The following NDFIP1 variants were observed in gnomAD, a reference collection of about 807,000 sequenced individuals.
NDFIP1 encodes Nedd4 family interacting protein 1.
NDFIP1 carries 7 observed loss-of-function variants against 28.8 expected under a neutral mutation model. The observed-to-expected ratio is 0.24, with a 90% CI of 0.14 to 0.46. NDFIP1 has a LOEUF of 0.46. Ranked by LOEUF, NDFIP1 falls within the 20% of genes least tolerant of loss-of-function variation. NDFIP1 has a pLI of 0.99. For synonymous variants in NDFIP1, 92 were observed against 101.0 expected (o/e 0.91, Z 0.53); for missense variants, 194 against 269.1 (o/e 0.72, Z 1.95).
At position 142,108,918 on chromosome 5, in the gene NDFIP1, C is replaced by A; in HGVS notation, c.-57C>A. 1 of 1,374,132 alleles carries A rather than the reference C, an allele frequency of 7.3e-7. No individual in the cohort carries two copies. The highest frequency in any genetic ancestry group is 1.6e-5 in the South Asian group (1 of 64,096). The allele number at this position is 1,374,132 out of a possible 1,614,324, so 85.1% of individuals were successfully genotyped here. A position where few individuals can be genotyped will look rare whatever the true frequency, so the allele number is the denominator to read the frequency against. On this transcript the variant is annotated 5_prime_UTR_variant, in exon 1 of 8. Transcript: ENST00000253814. ...TCCCAGCGCTCCCAAGCCGCAGCGGCCGCGCCCCTTCAGCTAGCTCGCTCG... is the reference window on the plus strand; with the variant it reads ...TCCCAGCGCTCCCAAGCCGCAGCGGACGCGCCCCTTCAGCTAGCTCGCTCG...
intron 1 of NDFIP1, among the ~76,000 whole-genome samples, chr5:142,118,898 A>G (rs1757095644): frequency 6.6e-6 from 1 of 152,056 alleles, no homozygotes; most frequent in South Asian, 2.1e-4. Context: ...TTTTGGCACT[A>G]GGCTCATCTT....
rs1237629742 is a variant in NDFIP1 at position 142,142,938 on chromosome 5, AAAATAT to A, written c.563-1631_563-1626del. On this transcript the variant is annotated intron_variant, in intron 6 of 7. Transcript: ENST00000253814. ...ATCTCAAAAAAAAAAAAAAAAAAAA[AAAATAT>A]ATATATATATATATATATATATATT... 2.8e-3 allele frequency: 231 copies of A among 81,326 alleles called. 1 individual carries two copies. The highest frequency in any genetic ancestry group is 0.018 in the East Asian group (36 of 1,996). 5.0% of individuals were successfully genotyped at this position (81,326 alleles called of 1,614,324 possible).
intron 1 of NDFIP1, among the ~76,000 whole-genome samples, chr5:142,122,495 GT>G: frequency 6.6e-6 from 1 of 152,082 alleles, no homozygotes; most frequent in Non-Finnish European, 1.5e-5. Context: ...ATATGTAAAT[GT>G]TTCTGTTGGA....
chr5:142,144,552 CTT>C lies in NDFIP1; in HGVS notation c.563-16_563-15del. On this transcript the variant is annotated splice_polypyrimidine_tract_variant and intron_variant, in intron 6 of 7. Coordinates refer to ENST00000253814, the MANE Select transcript of NDFIP1 (RefSeq NM_030571.4). Reference sequence around the variant, plus strand: ...ATGGAAATTATAAATTCATTCATGACTTTTCTTTTTTAAATTAGGCTTTCTCC... The same window carrying C: ...ATGGAAATTATAAATTCATTCATGACTTCTTTTTTAAATTAGGCTTTCTCC... 1.3e-6 allele frequency: 2 copies of C among 1,557,102 alleles called. No homozygotes were observed.
At chr5:142,127,231 G>T (rs1305771913) in intron 1 of NDFIP1, among the ~76,000 whole-genome samples, 1 of 152,116 alleles carries the variant, frequency 6.6e-6, no homozygotes, top group African/African-American at 2.4e-5. Context: ...GGCCAGGCTG[G>T]TCTCAAACTC....
At chr5:142,148,459 T>C (rs960006572) in intron 7 of NDFIP1, among the ~76,000 whole-genome samples, 29 of 152,066 alleles carry the variant, frequency 1.9e-4, no homozygotes, top group Non-Finnish European at 3.1e-4. Flanking sequence ...CATCAAGAAG[T>C]ATGTGACTGG....
chr5:142,147,338 C>T (rs249640), intron 7 of NDFIP1, among the ~76,000 whole-genome samples: 142,659 of 152,276 alleles, frequency 0.94, 66,892 homozygotes, highest in East Asian at 1. Context: ...TGTAGAATCC[C>T]TTCTTTCTCT....
At chr5:142,145,307 G>A (rs1234787128) in intron 7 of NDFIP1, among the ~76,000 whole-genome samples, 1 of 152,170 alleles carries the variant, frequency 6.6e-6, no homozygotes, top group Non-Finnish European at 1.5e-5. Context: ...AAGGCTCTTT[G>A]ATTCACACAT....
chr5:142,138,313 T>A (rs999517409), intron 5 of NDFIP1: 1 of 153,472 alleles, frequency 6.5e-6, no homozygotes, highest in African/African-American at 2.4e-5. Flanking sequence ...GCCAAAATGT[T>A]TGGGGAGCCA....
intron 6 of NDFIP1, among the ~76,000 whole-genome samples, chr5:142,141,321 A>G (rs1164718238): frequency 2.0e-5 from 3 of 150,970 alleles, no homozygotes; most frequent in East Asian, 1.9e-4. Flanking sequence ...GACTACAGGC[A>G]CCTGCCACCA....
intron 6 of NDFIP1, among the ~76,000 whole-genome samples, chr5:142,142,640 G>A (rs1167896667): frequency 6.6e-6 from 1 of 151,986 alleles, no homozygotes; most frequent in Non-Finnish European, 1.5e-5. Context: ...CAAAAAATAA[G>A]AGTTTGGCCC....
At chr5:142,145,711 G>A (rs150683603) in intron 7 of NDFIP1, among the ~76,000 whole-genome samples, 6 of 152,032 alleles carry the variant, frequency 3.9e-5, no homozygotes, top group African/African-American at 1.4e-4. Flanking sequence ...GAGTATTGAG[G>A]GTCAAGGCTA....
Position 142,128,887 on chromosome 5 carries a change from A to G in NDFIP1, c.64-2921A>G, listed in dbSNP as rs527345948. Among the ~76,000 whole-genome samples, 6 of 152,294 alleles carry G rather than the reference A, an allele frequency of 3.9e-5. No individual in the cohort carries two copies. In the South Asian group the frequency reaches 6.2e-4, roughly 16 times the overall value. On this transcript the variant is annotated intron_variant, in intron 1 of 7. Transcript: ENST00000253814. The stretch of plus-strand genomic sequence containing the variant: ...TTTATTTGCACTGTCATCTTTTACT[A>G]TGGTGGGGGATGATCAAATTTAACA...
chr5:142,139,613 C>T (rs1401462412), intron 5 of NDFIP1, among the ~76,000 whole-genome samples: 2 of 152,186 alleles, frequency 1.3e-5, no homozygotes, highest in Non-Finnish European at 2.9e-5. Context: ...CAGAAGCCCT[C>T]AATTTCCACT....
chr5:142,109,255 GA>G (rs1756986444), intron 1 of NDFIP1, among the ~76,000 whole-genome samples: 1 of 152,208 alleles, frequency 6.6e-6, no homozygotes, highest in Non-Finnish European at 1.5e-5. Context: ...TCCGGCGGTG[GA>G]AAGTCCTCCT....
Position 142,108,797 on chromosome 5 carries a change from T to TC in NDFIP1, c.-177dup, listed in dbSNP as rs1554090446. 330 of 455,586 alleles carry TC rather than the reference T, an allele frequency of 7.2e-4. 2 individuals carry two copies. Among genetic ancestry groups the TC allele is most frequent in the Non-Finnish European group, 1.0e-3 (273 of 272,356 alleles). 28.2% of individuals were successfully genotyped at this position (455,586 alleles called of 1,614,324 possible). A position where few individuals can be genotyped will look rare whatever the true frequency, so the allele number is the denominator to read the frequency against. On this transcript the variant is annotated 5_prime_UTR_variant, in exon 1 of 8. Coordinates refer to ENST00000253814, the MANE Select transcript of NDFIP1 (RefSeq NM_030571.4). ...CTTCCCCAGGGGCCGCGTCGGAGCC[T>TC]CGGCGGCGGCGGCGGTGCTTACAGC... is the stretch of plus-strand genomic sequence containing the variant.
At chr5:142,146,816 A>G (rs1487939050) in intron 7 of NDFIP1, among the ~76,000 whole-genome samples, 1 of 152,120 alleles carries the variant, frequency 6.6e-6, no homozygotes, top group Non-Finnish European at 1.5e-5. Context: ...TGAACGTCTC[A>G]GTTTTCCTGT....
At chr5:142,112,382 T>TA (rs1292608721) in intron 1 of NDFIP1, among the ~76,000 whole-genome samples, 20 of 143,592 alleles carry the variant, frequency 1.4e-4, no homozygotes, top group South Asian at 2.2e-4. Context: ...AGACTCTGTT[T>TA]AAAAAAAAAA....
intron 6 of NDFIP1, chr5:142,143,721 C>T (rs546360173): frequency 6.6e-6 from 1 of 152,224 alleles, no homozygotes; most frequent in East Asian, 1.9e-4. Context: ...GAGAAATAGG[C>T]TGGGTACAGT....
Sources: gnomAD v4.1 joint callset for allele counts (sites outside exome capture counted in the v4.1 genomes callset) on GRCh38, gnomAD v4.1.1 for gene constraint, MANE v1.5 for transcripts, NCBI Gene and HGNC (gene_info 2026-07-23, HGNC 2026-07-21) for gene names.